Variants in PBRM1 observed in about 807,000 individuals in gnomAD.
PBRM1 encodes protein polybromo-1.
A neutral mutation model predicts 194.5 loss-of-function variants in PBRM1; 27 were observed. That is an observed-to-expected ratio of 0.14 (90% CI 0.10 to 0.19). The LOEUF (loss-of-function observed/expected upper bound fraction) is 0.19. PBRM1 is among the 10% of genes least tolerant of loss of function. The pLI is 1.00. For synonymous variants in PBRM1, 655 were observed against 693.2 expected, an observed-to-expected ratio of 0.94 and a Z score of 0.87; for missense variants, 1,466 against 2,077.2, an observed-to-expected ratio of 0.71 and a Z score of 5.72.
chr3:52,662,055 G>A, intron 4 of PBRM1, 78 bp downstream of exon 5: 1 of 1,452,354 alleles, frequency 6.9e-7, no homozygotes, highest in Non-Finnish European at 9.5e-7. Flanking sequence ...GCCCACAACA[G>A]CCCAGAGGGA....
chr3:52,626,639 T>C (rs1358186139), intron 13 of PBRM1, among the ~76,000 whole-genome samples: 1 of 152,068 alleles, frequency 6.6e-6, no homozygotes, highest in Non-Finnish European at 1.5e-5. Context: ...AAATTCCTTA[T>C]AGGATCCCAG....
At chr3:52,655,143 TAC>T (rs1477027841) in intron 5 of PBRM1, among the ~76,000 whole-genome samples, 2 of 152,070 alleles carry the variant, frequency 1.3e-5, no homozygotes, top group African/African-American at 4.8e-5. Context: ...TGGCATGAGG[TAC>T]ACTCACACTG....
chr3:52,557,855 T>G (rs1478827299), intron 26 of PBRM1, among the ~76,000 whole-genome samples: 1 of 152,226 alleles, frequency 6.6e-6, no homozygotes, highest in Non-Finnish European at 1.5e-5. Context: ...AACTGAATAC[T>G]GGAATGAGAT....
At chr3:52,685,611 C>A (rs2154093553) in intron 1 of PBRM1, 138 bp downstream of exon 1, 1 of 148,876 alleles carries the variant, frequency 6.7e-6, no homozygotes, top group Non-Finnish European at 1.5e-5. Context: ...CCGCCCAACC[C>A]CGCGCGCCCG....
At chr3:52,587,537 G>A (rs368213961) in intron 18 of PBRM1, 27 bp from the exon 21 acceptor site, 9 of 1,497,372 alleles carry the variant, frequency 6.0e-6, no homozygotes, top group Non-Finnish European at 8.2e-6. Context: ...GGGGGAAGGG[G>A]AAGAGAAAGA....
rs1415932985 is a variant in PBRM1, at chr3:52,643,188, C to G, written c.995+60G>C. ...CTTCAAGATAGCCATTGGGCAAATACTAGTATGCCTATCTTTATAAGCACA... is the reference window on the plus strand; with the variant it reads ...CTTCAAGATAGCCATTGGGCAAATAGTAGTATGCCTATCTTTATAAGCACA... On this transcript the variant is annotated intron_variant, in intron 9 of 29. Coordinates refer to ENST00000296302, the Ensembl canonical transcript of PBRM1. 7.7e-6 allele frequency: 9 copies of G among 1,170,232 alleles called. No homozygotes were observed. The Admixed American group carries it at 1.5e-4, about 20-fold the overall frequency. The allele number at this position is 1,170,232 out of a possible 1,614,324, so 72.5% of individuals were successfully genotyped here.
chr3:52,634,435 CAAAAAAAAAAA>C (rs370025797), intron 11 of PBRM1, among the ~76,000 whole-genome samples, 156 bp downstream of exon 12: 1 of 46,356 alleles, frequency 2.2e-5, no homozygotes, highest in Admixed American at 2.0e-4. Flanking sequence ...GACTCCGTCT[CAAAAAAAAAAA>C]AAAAAAAAAA....
At chr3:52,565,182 G>A (rs1269065493) in intron 22 of PBRM1, among the ~76,000 whole-genome samples, 2 of 151,584 alleles carry the variant, frequency 1.3e-5, no homozygotes, top group Admixed American at 6.6e-5. Flanking sequence ...CTGAGCGAAA[G>A]AGCGAGACTC....
chr3:52,619,265 T>C (rs192489677), intron 13 of PBRM1, among the ~76,000 whole-genome samples: 8 of 152,326 alleles, frequency 5.3e-5, no homozygotes, highest in Non-Finnish European at 1.0e-4. Flanking sequence ...TCATGGGGAA[T>C]TGGTTTCAGG....
intron 2 of PBRM1, 140 bp from the exon 4 acceptor site, chr3:52,668,785 A>T: frequency 3.5e-6 from 1 of 285,610 alleles, no homozygotes; most frequent in Non-Finnish European, 6.1e-6. Flanking sequence ...AGCTTACTTA[A>T]AAAAAAAAAA....
chr3:52,613,752 G>A (rs1228874647), intron 15 of PBRM1, among the ~76,000 whole-genome samples: 1 of 152,092 alleles, frequency 6.6e-6, no homozygotes, highest in African/African-American at 2.4e-5. Context: ...CACTTTAGAA[G>A]GCAGAGGCAG....
chr3:52,639,349 C>T (rs1256014431), intron 10 of PBRM1, among the ~76,000 whole-genome samples: 2 of 152,100 alleles, frequency 1.3e-5, no homozygotes, highest in African/African-American at 2.4e-5. Context: ...GCCTTTTTGA[C>T]AATCTCACCT....
At chr3:52,681,735 C>T (rs1342386338), upstream of PBRM1, 1 of 1,017,338 alleles carries the variant, frequency 9.8e-7, no homozygotes, top group Non-Finnish European at 1.2e-6. Flanking sequence ...AAAAGCCAGT[C>T]TCCTCATTAT....
chr3:52,674,602 C>CT (rs1561073380), intron 2 of PBRM1, among the ~76,000 whole-genome samples: 1 of 128,510 alleles, frequency 7.8e-6, no homozygotes, highest in East Asian at 2.2e-4. Flanking sequence ...CCAGCCTGGG[C>CT]AACACAGGGA....
At chr3:52,550,878 CTG>C in intron 27 of PBRM1, 61 bp from the exon 30 acceptor site, 1 of 1,071,140 alleles carries the variant, frequency 9.3e-7, no homozygotes, top group Non-Finnish European at 1.4e-6. Flanking sequence ...TGAAAAACTA[CTG>C]TCTGATAAGA....
chr3:52,662,887 A>AGAC (rs1301396131), intron 3 of PBRM1, among the ~76,000 whole-genome samples: 1 of 151,944 alleles, frequency 6.6e-6, no homozygotes, highest in Non-Finnish European at 1.5e-5. Flanking sequence ...ACACTAAGAA[A>AGAC]GACAACTTAA....
intron 24 of PBRM1, among the ~76,000 whole-genome samples, chr3:52,562,653 C>T (rs1228322686): frequency 2.0e-5 from 3 of 151,298 alleles, no homozygotes; most frequent in Non-Finnish European, 4.4e-5. Context: ...AAATGATTCT[C>T]CTGCCTCAGC....
At chr3:52,580,383 T>A (rs1003144237) in intron 20 of PBRM1, among the ~76,000 whole-genome samples, 3 of 151,972 alleles carry the variant, frequency 2.0e-5, no homozygotes, top group African/African-American at 7.2e-5. Flanking sequence ...TTTTGAGACA[T>A]AGTCTCCCTC....
chr3:52,634,804 C>T, exon 11 of PBRM1: 1 of 1,613,120 alleles, frequency 6.2e-7, no homozygotes, highest in South Asian at 1.1e-5. Flanking sequence ...TCTCCCTCTT[C>T]ATAGCGTGCA....
Sources: gnomAD v4.1 joint callset for allele counts (sites outside exome capture counted in the v4.1 genomes callset) on GRCh38, gnomAD v4.1.1 for gene constraint, MANE v1.5 for transcripts, NCBI Gene and HGNC (gene_info 2026-07-23, HGNC 2026-07-21) for gene names.